MYRFL: variants seen among roughly 807,000 people sequenced by gnomAD.
The protein encoded by MYRFL is myelin regulatory factor like.
In MYRFL, 88 loss-of-function variants were observed where a neutral mutation model predicts 109.4. That is an observed-to-expected ratio of 0.80 (90% CI 0.68 to 0.96). MYRFL has a LOEUF of 0.96. Among genes scored for constraint, MYRFL ranks in the 40% least tolerant of loss-of-function variants. The pLI, the probability that MYRFL is intolerant of heterozygous loss-of-function variation, is 0.00. For synonymous variants in MYRFL, 324 were observed against 320.9 expected (o/e 1.01, Z -0.10); for missense variants, 957 against 954.9 (o/e 1.00, Z -0.03).
At chr12:69,930,077 C>T (rs1955222203) in intron 15 of MYRFL, among the ~76,000 whole-genome samples, 1 of 152,162 alleles carries the variant, frequency 6.6e-6, no homozygotes, top group African/African-American at 2.4e-5. Context: ...GATCTGAGCT[C>T]TTCCTGTGAG....
chr12:69,923,873 TTATTTTTTATACATATTTAAAATACC>T (rs1221072860), intron 13 of MYRFL, among the ~76,000 whole-genome samples: 2 of 152,134 alleles, frequency 1.3e-5, no homozygotes, highest in African/African-American at 4.8e-5. Context: ...AAAATTTTGT[TTATTTTTTATACATATTTAAAATACC>T]TACATATGGG....
At chr12:69,885,074 G>T (rs1203090957) in intron 5 of MYRFL, among the ~76,000 whole-genome samples, 2 of 152,074 alleles carry the variant, frequency 1.3e-5, no homozygotes, top group Non-Finnish European at 2.9e-5. Flanking sequence ...TCTCAATTTG[G>T]TGTAAGCAGG....
intron 13 of MYRFL, among the ~76,000 whole-genome samples, chr12:69,914,527 T>C (rs1954673129): frequency 6.6e-6 from 1 of 152,194 alleles, no homozygotes. Flanking sequence ...GTGTAGGTAA[T>C]GTCTTCCTGT....
rs1158610138 is a variant in MYRFL, at chr12:69,836,702, C to T, written c.46+11139C>T. On this transcript the variant is annotated intron_variant, in intron 1 of 24. Coordinates refer to ENST00000552032, the MANE Select transcript of MYRFL (RefSeq NM_182530.3). ...AGAACTGCCATTAGCTCCTTTTATC[C>T]GTATAAGGATAAGACAAACAAAAAT... 2.6e-5 allele frequency among the ~76,000 whole-genome samples: 4 copies of T among 152,062 alleles called. No individual in the cohort carries two copies. In the South Asian group the frequency reaches 6.2e-4, roughly 24 times the overall value.
intron 1 of MYRFL, among the ~76,000 whole-genome samples, chr12:69,854,531 A>C (rs1433647638): frequency 6.6e-6 from 1 of 152,012 alleles, no homozygotes; most frequent in Non-Finnish European, 1.5e-5. Flanking sequence ...CTACAGGCAC[A>C]TGCCACCATG....
At chr12:69,843,511 A>G (rs976927432) in intron 1 of MYRFL, among the ~76,000 whole-genome samples, 1 of 152,208 alleles carries the variant, frequency 6.6e-6, no homozygotes, top group African/African-American at 2.4e-5. Flanking sequence ...ATCTTTATAT[A>G]GGACTGGCAG....
chr12:69,893,903 TTA>T (rs1260478349), intron 8 of MYRFL, 63 bp downstream of exon 8: 11 of 587,616 alleles, frequency 1.9e-5, no homozygotes, highest in East Asian at 4.4e-5. Context: ...ACTTTGTTTT[TTA>T]TATATATATA....
chr12:69,900,869 G>A lies in MYRFL; in HGVS notation c.1183-2775G>A, dbSNP rs141058349. Among the ~76,000 whole-genome samples the A allele has an allele frequency of 1.6e-3, 238 of 152,338 alleles. 2 individuals are homozygous for A. Among genetic ancestry groups the A allele is most frequent in the African/African-American group, 5.4e-3 (224 of 41,584 alleles). ...CCCCCTGGAATTGTGCAACTCTGCA[G>A]GTGCGTTGCTGAGGAGAGCAGATGA... On this transcript the variant is annotated intron_variant, in intron 10 of 24. Coordinates refer to ENST00000552032, the MANE Select transcript of MYRFL (RefSeq NM_182530.3).
intron 1 of MYRFL, among the ~76,000 whole-genome samples, chr12:69,848,151 G>T (rs1883669351): frequency 6.6e-6 from 1 of 151,802 alleles, no homozygotes; most frequent in African/African-American, 2.4e-5. Context: ...TTTATTTCTG[G>T]ACTTTATTAT....
At chr12:69,955,654 T>C (rs1000130571) in intron 22 of MYRFL, among the ~76,000 whole-genome samples, 3 of 152,118 alleles carry the variant, frequency 2.0e-5, no homozygotes, top group African/African-American at 4.8e-5. Context: ...GGCTCTAACC[T>C]CTATACCCAT....
intron 13 of MYRFL, among the ~76,000 whole-genome samples, chr12:69,926,114 C>CTATGAACAGACAA (rs1955066505): frequency 1.8e-5 from 1 of 54,830 alleles, no homozygotes; most frequent in African/African-American, 6.0e-5. Context: ...CTTTCTTCTT[C>CTATGAACAGACAA]TTCTTTTTTT....
chr12:69,927,591 A>G, intron 14 of MYRFL, 94 bp from the exon 15 acceptor site: 2 of 884,958 alleles, frequency 2.3e-6, no homozygotes, highest in Non-Finnish European at 3.4e-6. Flanking sequence ...TGCAAAAGAA[A>G]GTCATATTGC....
intron 19 of MYRFL, among the ~76,000 whole-genome samples, chr12:69,951,381 G>A (rs1462744227): frequency 6.7e-6 from 1 of 149,508 alleles, no homozygotes; most frequent in African/African-American, 2.5e-5. Flanking sequence ...TCTTTCCTCT[G>A]TGCACACGTA....
At chr12:69,854,031 C>T (rs900251793) in intron 1 of MYRFL, among the ~76,000 whole-genome samples, 4 of 152,222 alleles carry the variant, frequency 2.6e-5, no homozygotes, top group East Asian at 3.9e-4. Context: ...GCCGAGATCA[C>T]GCCACTGCAC....
intron 19 of MYRFL, among the ~76,000 whole-genome samples, chr12:69,943,356 C>T (rs1406995968): frequency 6.8e-6 from 1 of 148,070 alleles, no homozygotes; most frequent in African/African-American, 2.5e-5. Context: ...TGGAACAGAA[C>T]AGAGCCCTCA....
chr12:69,913,767 T>C (rs1035409242), intron 13 of MYRFL, among the ~76,000 whole-genome samples: 7 of 152,218 alleles, frequency 4.6e-5, no homozygotes, highest in African/African-American at 1.7e-4. Flanking sequence ...GGGGATTTCC[T>C]TGTCTATTTT....
intron 1 of MYRFL, among the ~76,000 whole-genome samples, chr12:69,849,286 G>T (rs1883745241): frequency 1.3e-5 from 2 of 152,160 alleles, no homozygotes; most frequent in African/African-American, 2.4e-5. Flanking sequence ...ATGCCTTTTG[G>T]CATTAAGAAG....
intron 22 of MYRFL, among the ~76,000 whole-genome samples, chr12:69,956,391 C>T (rs1956096725): frequency 6.6e-6 from 1 of 152,164 alleles, no homozygotes; most frequent in Non-Finnish European, 1.5e-5. Context: ...CCTCCTAAAT[C>T]ACAAAACTCT....
chr12:69,892,665 T>TA (rs1341292424), intron 7 of MYRFL, among the ~76,000 whole-genome samples: 1 of 152,158 alleles, frequency 6.6e-6, no homozygotes, highest in Non-Finnish European at 1.5e-5. Context: ...ACTGAGCTCT[T>TA]AAAAACAAAA....
Sources: allele counts gnomAD v4.1 joint callset (sites outside exome capture counted in the v4.1 genomes callset), GRCh38; gene constraint gnomAD v4.1.1; transcripts MANE v1.5; gene names NCBI Gene and HGNC (gene_info 2026-07-23, HGNC 2026-07-21).